SLC9A3: variants seen among roughly 807,000 people sequenced by gnomAD.
SLC9A3 encodes solute carrier family 9 member A3.
Under a neutral mutation model 86.8 loss-of-function variants are expected in SLC9A3, and 37 were observed. That is an observed-to-expected ratio of 0.43 (90% CI 0.33 to 0.56). The LOEUF is 0.56. Among genes scored for constraint, SLC9A3 ranks in the 20% least tolerant of loss-of-function variants. SLC9A3 has a pLI of 0.06. For synonymous variants in SLC9A3, 581 were observed against 528.3 expected, an observed-to-expected ratio of 1.10 and a Z score of -1.37; for missense variants, 1,011 against 1,171.9, an observed-to-expected ratio of 0.86 and a Z score of 2.00.
In SLC9A3 at chr5:473,244, G is replaced by A; in HGVS notation, c.*135C>T. On this transcript the variant is annotated 3_prime_UTR_variant, in exon 17 of 17. Transcript: ENST00000264938. ...GGAGTTCTGCGCAGGCGCTGGCGTG[G>A]GCGAGGCGGGGCTCGGGGCTCGCGG... The A allele has an allele frequency of 1.0e-6, 1 of 1,004,170 alleles. No individual in the cohort carries two copies. The highest frequency in any genetic ancestry group is 1.3e-6 in the Non-Finnish European group (1 of 775,556). 62.2% of individuals were successfully genotyped at this position (1,004,170 alleles called of 1,614,324 possible).
In SLC9A3 at chr5:491,989, G is replaced by A. The variant is rs1227710570; in HGVS notation, c.294C>T (p.Ile98=). ...LIVLGLVLGG[I]VWAADHIASF... is the part of the protein sequence containing the mutation. ...ACGCGATGTGGTCGGCCGCCCAGAC[G>A]ATGCCGCCCAGCACCAGGCCCAGCA... Residue 98 remains isoleucine (I), a synonymous_variant, in exon 2 of 17, where the codon ATC becomes ATT. Coordinates refer to ENST00000264938, the MANE Select transcript of SLC9A3 (RefSeq NM_004174.4). This position sits in a 1 kb window ranked among gnomAD's most constrained non-coding sequence, Gnocchi z 9.2. The A allele has an allele frequency of 3.1e-6, 5 of 1,602,268 alleles. No individual in the cohort carries two copies. The highest frequency in any genetic ancestry group is 1.1e-5 in the South Asian group (1 of 89,614).
In SLC9A3 at chr5:472,463, C is replaced by T. The variant is rs1463615862; in HGVS notation, c.*916G>A. ...TTGGCAAGCTCCGCCCGCCAGGCCA[C>T]CTCTCACCCAGCCAGGGCACCCCGG... On this transcript the variant is annotated 3_prime_UTR_variant, in exon 17 of 17. Coordinates refer to ENST00000264938, the MANE Select transcript of SLC9A3 (RefSeq NM_004174.4). 6.0e-6 allele frequency: 2 copies of T among 335,418 alleles called. No homozygotes were observed. The highest frequency in any genetic ancestry group is 2.3e-5 in the African/African-American group (1 of 44,202). 20.8% of individuals were successfully genotyped at this position (335,418 alleles called of 1,614,324 possible).
chr5:483,156 C>T (rs1289067673), intron 6 of SLC9A3, 106 bp downstream of exon 6: 54 of 884,040 alleles, frequency 6.1e-5, no homozygotes, highest in East Asian at 5.1e-4. Flanking sequence ...CTGCCTTGCA[C>T]GGGGCTGCAC....
intron 1 of SLC9A3, among the ~76,000 whole-genome samples, chr5:508,586 G>C (rs1175585122): frequency 6.8e-6 from 1 of 147,758 alleles, no homozygotes; most frequent in African/African-American, 2.5e-5. Context: ...CCCGGGGATG[G>C]AGATGCCGCA....
At chr5:482,376 T>C (rs1739245522) in intron 7 of SLC9A3, among the ~76,000 whole-genome samples, 172 bp downstream of exon 7, 1 of 152,100 alleles carries the variant, frequency 6.6e-6, no homozygotes, top group East Asian at 2.0e-4. Flanking sequence ...TTAGGACAAT[T>C]ATGCTTCCTC....
chr5:500,004 C>T (rs1161873378), intron 1 of SLC9A3, among the ~76,000 whole-genome samples: 1 of 152,268 alleles, frequency 6.6e-6, no homozygotes, highest in African/African-American at 2.4e-5. Context: ...CGGCCCAGAG[C>T]TGTTGGGCAG....
At chr5:488,543 G>A (rs1206285876) in intron 2 of SLC9A3, 67 bp from the exon 3 acceptor site, 11 of 1,426,216 alleles carry the variant, frequency 7.7e-6, no homozygotes, top group African/African-American at 4.4e-5. Flanking sequence ...GCCCTGGGGA[G>A]GCGCTCGCCT....
chr5:481,702 C>T (rs1336099734), intron 8 of SLC9A3, 67 bp from the exon 9 acceptor site: 13 of 1,349,978 alleles, frequency 9.6e-6, no homozygotes, highest in African/African-American at 1.4e-5. Context: ...TGCCCCTCCA[C>T]TCCTGGCCCA....
At chr5:481,540 C>G (rs764145041) in intron 9 of SLC9A3, 25 bp downstream of exon 9, 2 of 1,599,180 alleles carry the variant, frequency 1.3e-6, no homozygotes, top group Non-Finnish European at 1.7e-6. Flanking sequence ...TGTGCGACAC[C>G]GCCGGGGCCG....
intron 16 of SLC9A3, among the ~76,000 whole-genome samples, chr5:474,118 G>C (rs1048651831): frequency 2.6e-5 from 4 of 151,056 alleles, no homozygotes; most frequent in Admixed American, 2.6e-4. Context: ...TTCAGGTCCA[G>C]GGAGGAGAGA....
chr5:502,488 C>T (rs943660069), intron 1 of SLC9A3, among the ~76,000 whole-genome samples: 1 of 152,224 alleles, frequency 6.6e-6, no homozygotes, highest in Non-Finnish European at 1.5e-5. Flanking sequence ...AGCACAGTCC[C>T]CGGCAAGACA....
chr5:517,070 C>A (rs754138937), intron 1 of SLC9A3, among the ~76,000 whole-genome samples: 2 of 152,086 alleles, frequency 1.3e-5, no homozygotes, highest in Non-Finnish European at 2.9e-5. Context: ...CCTTCACCCA[C>A]CTGTGGGTGC....
chr5:475,362 G>A (rs774141106), intron 15 of SLC9A3, 199 bp downstream of exon 15: 2 of 617,316 alleles, frequency 3.2e-6, no homozygotes, highest in Non-Finnish European at 5.7e-6. Context: ...CCTGCTCCCT[G>A]CCCGGCCCAC....
In SLC9A3 at chr5:488,385, C is replaced by G; in HGVS notation, c.606G>C (p.Glu202Asp). The part of the protein sequence containing the change: ...DPVAVLAVFE[E>D]VHVNEVLFII... Reference sequence around the variant, plus strand: ...TGAACAGGACCTCGTTGACATGGACCTCCTCAAACACGGCCAGGACGGCCA... The same window carrying G: ...TGAACAGGACCTCGTTGACATGGACGTCCTCAAACACGGCCAGGACGGCCA... Residue 202 changes from glutamate to aspartate, a missense_variant, in exon 3 of 17, where the codon GAG becomes GAC. Transcript: ENST00000264938. The G allele has an allele frequency of 1.2e-6, 2 of 1,612,368 alleles. No individual in the cohort carries two copies. Among genetic ancestry groups the G allele is most frequent in the Non-Finnish European group, 1.7e-6 (2 of 1,179,648 alleles).
At chr5:482,825 C>T (rs938494383) in intron 6 of SLC9A3, 75 bp from the exon 7 acceptor site, 27 of 1,214,594 alleles carry the variant, frequency 2.2e-5, no homozygotes, top group African/African-American at 1.1e-4. Context: ...TCCGGGACAG[C>T]GTCTTGGCGG....
chr5:488,740 G>T (rs528757864), intron 2 of SLC9A3, among the ~76,000 whole-genome samples: 5 of 152,364 alleles, frequency 3.3e-5, no homozygotes, highest in African/African-American at 1.2e-4. Context: ...CTTCATCTTT[G>T]GGTGAACGGA....
intron 1 of SLC9A3, among the ~76,000 whole-genome samples, chr5:506,496 C>G (rs1740589027): frequency 6.6e-6 from 1 of 152,168 alleles, no homozygotes; most frequent in South Asian, 2.1e-4. Flanking sequence ...GTGGGGCCAC[C>G]CTGCCAAGCG....
rs749623769 is a variant in SLC9A3 at position 491,723 on chromosome 5, G to A, written c.514+46C>T. On this transcript the variant is annotated intron_variant, in intron 2 of 16. Coordinates refer to ENST00000264938, the MANE Select transcript of SLC9A3 (RefSeq NM_004174.4). This position sits in a 1 kb window ranked among gnomAD's most constrained non-coding sequence, Gnocchi z 9.2. ...GAGATGAGGCAGCGCCGCCCCTCCC[G>A]GACCCCACCCTGATCCCGGCCGGGG... 12 of 1,453,374 alleles carry A rather than the reference G, an allele frequency of 8.3e-6. No homozygotes were observed. The highest frequency in any genetic ancestry group is 6.9e-5 in the Admixed American group (3 of 43,752). The allele number at this position is 1,453,374 out of a possible 1,614,324, so 90.0% of individuals were successfully genotyped here. A position where few individuals can be genotyped will look rare whatever the true frequency, so the allele number is the denominator to read the frequency against.
At position 491,768 on chromosome 5, in the gene SLC9A3, C is replaced by T; in HGVS notation, c.514+1G>A. The stretch of plus-strand genomic sequence containing the variant: ...CCGGGGCAACAGTGGCGCAGACTCA[C>T]CCATGAGCCCACTGAGGAAGACGCC... On this transcript the variant is annotated splice_donor_variant, in intron 2 of 16. Coordinates refer to ENST00000264938, the MANE Select transcript of SLC9A3 (RefSeq NM_004174.4). LOFTEE classifies it high-confidence loss of function. The surrounding 1 kb of genome is among the most constrained non-coding windows in gnomAD (Gnocchi z 9.2). 1 of 1,535,722 alleles carries T rather than the reference C, an allele frequency of 6.5e-7. No individual in the cohort carries two copies. Among genetic ancestry groups the T allele is most frequent in the Non-Finnish European group, 8.8e-7 (1 of 1,134,890 alleles).
Sources: allele counts gnomAD v4.1 joint callset (sites outside exome capture counted in the v4.1 genomes callset), GRCh38; gene constraint gnomAD v4.1.1; non-coding constraint Gnocchi (gnomAD v3.1); transcripts MANE v1.5; gene names NCBI Gene and HGNC (gene_info 2026-07-23, HGNC 2026-07-21).